Variants in MSRA observed in about 807,000 individuals in gnomAD.
The protein encoded by MSRA is mitochondrial peptide methionine sulfoxide reductase.
MSRA carries 54 observed loss-of-function variants against 31.3 expected under a neutral mutation model. The observed-to-expected ratio is 1.73, with a 90% CI of 1.39 to 2.17. The LOEUF (loss-of-function observed/expected upper bound fraction) is 2.17, where lower values mean the gene tolerates loss of function less well. MSRA is among the 30% of genes most tolerant of loss of function. The pLI is 0.00. For missense variants in MSRA, 507 were observed against 300.9 expected (o/e 1.69, Z -5.07); for synonymous variants, 169 against 116.5 (o/e 1.45, Z -2.90).
intron 3 of MSRA, among the ~76,000 whole-genome samples, chr8:10,268,378 C>G (rs939073666): frequency 6.9e-6 from 1 of 144,270 alleles, no homozygotes; most frequent in Non-Finnish European, 1.6e-5. Flanking sequence ...TATGGGGAGA[C>G]TACACTCTTT....
At chr8:10,365,136 A>C (rs1184877322) in intron 5 of MSRA, among the ~76,000 whole-genome samples, 12 of 145,992 alleles carry the variant, frequency 8.2e-5, no homozygotes, top group African/African-American at 2.9e-4. Context: ...TTTTCTGTGA[A>C]GCAACCAAAA....
At chr8:10,111,604 A>G (rs1174156701) in intron 1 of MSRA, among the ~76,000 whole-genome samples, 2 of 152,216 alleles carry the variant, frequency 1.3e-5, no homozygotes, top group Non-Finnish European at 2.9e-5. Context: ...AGTGGTTTAA[A>G]GGCAAAATAT....
intron 3 of MSRA, among the ~76,000 whole-genome samples, chr8:10,275,411 A>G (rs1799271118): frequency 6.6e-6 from 1 of 152,200 alleles, no homozygotes; most frequent in Admixed American, 6.5e-5. Context: ...TGATTTTACT[A>G]TTTTGTAGAT....
At chr8:10,246,245 T>A (rs1395359222) in intron 3 of MSRA, among the ~76,000 whole-genome samples, 1 of 152,184 alleles carries the variant, frequency 6.6e-6, no homozygotes, top group African/African-American at 2.4e-5. Context: ...TACCGTTGGG[T>A]GCTTTACAGG....
At chr8:10,388,271 G>C (rs142097538) in intron 5 of MSRA, among the ~76,000 whole-genome samples, 1 of 152,186 alleles carries the variant, frequency 6.6e-6, no homozygotes, top group Non-Finnish European at 1.5e-5. Flanking sequence ...TGTAAGGTTC[G>C]TGTTGCAGAC....
At chr8:10,138,374 G>A (rs1802448943) in intron 1 of MSRA, among the ~76,000 whole-genome samples, 1 of 152,162 alleles carries the variant, frequency 6.6e-6, no homozygotes, top group African/African-American at 2.4e-5. Flanking sequence ...GGGAGAAGGA[G>A]AAGAAAGGGA....
At chr8:10,256,530 G>T (rs1394977849) in intron 3 of MSRA, among the ~76,000 whole-genome samples, 1 of 152,184 alleles carries the variant, frequency 6.6e-6, no homozygotes, top group Non-Finnish European at 1.5e-5. Context: ...TACCAGAGAG[G>T]ATTTCTGCTA....
chr8:10,386,418 G>GT (rs1259087827), intron 5 of MSRA, among the ~76,000 whole-genome samples: 1 of 152,176 alleles, frequency 6.6e-6, no homozygotes, highest in African/African-American at 2.4e-5. Context: ...GGAAGGGAAG[G>GT]TTTTTATATG....
intron 4 of MSRA, among the ~76,000 whole-genome samples, chr8:10,311,163 A>G (rs1292169917): frequency 6.6e-6 from 1 of 152,222 alleles, no homozygotes; most frequent in Non-Finnish European, 1.5e-5. Context: ...GGTTCCAGGA[A>G]TGGCAGGCTG....
At chr8:10,278,333 T>C (rs548680304) in intron 3 of MSRA, among the ~76,000 whole-genome samples, 28 of 152,342 alleles carry the variant, frequency 1.8e-4, no homozygotes, top group Admixed American at 7.2e-4. Flanking sequence ...ACTGTGGAAT[T>C]GGACCACCTG....
chr8:10,226,625 A>G (rs1385975626), intron 2 of MSRA, among the ~76,000 whole-genome samples: 1 of 152,254 alleles, frequency 6.6e-6, no homozygotes. Flanking sequence ...GAACAGACAC[A>G]TTTAGGAAAT....
chr8:10,054,486 C>T lies in MSRA; in HGVS notation c.-31C>T. On this transcript the variant is annotated 5_prime_UTR_variant, in exon 1 of 6. Coordinates refer to ENST00000317173, the MANE Select transcript of MSRA (RefSeq NM_012331.5). ...GGCTCCGCTGCCGGTAGCGCCGTCC[C>T]CCGGGACCACCCTTCGGCTGGCGCC... is the stretch of plus-strand genomic sequence containing the variant. The T allele has an allele frequency of 6.4e-7, 1 of 1,553,930 alleles. No individual in the cohort carries two copies. Among genetic ancestry groups the T allele is most frequent in the Non-Finnish European group, 8.7e-7 (1 of 1,151,186 alleles).
chr8:10,142,425 A>T (rs1042286455), intron 1 of MSRA, among the ~76,000 whole-genome samples: 7 of 152,216 alleles, frequency 4.6e-5, no homozygotes, highest in African/African-American at 1.7e-4. Flanking sequence ...TTCTGCTTCT[A>T]AATCCGTGTT....
rs186696179 is a variant in MSRA, at chr8:10,128,418, T to A, written c.142+73760T>A. Reference sequence around the variant, plus strand: ...AATTCTGTCTAAATTCCAGTGATGATCAGATGTGAACATAAACACGTTCAG... The same window carrying A: ...AATTCTGTCTAAATTCCAGTGATGAACAGATGTGAACATAAACACGTTCAG... On this transcript the variant is annotated intron_variant, in intron 1 of 5. Transcript: ENST00000317173. 2.2e-3 allele frequency among the ~76,000 whole-genome samples: 332 copies of A among 152,184 alleles called. 2 individuals are homozygous for A. The highest frequency in any genetic ancestry group is 0.01 in the Middle Eastern group (3 of 292).
chr8:10,248,336 T>C (rs772031408), intron 3 of MSRA, among the ~76,000 whole-genome samples: 1 of 152,236 alleles, frequency 6.6e-6, no homozygotes, highest in South Asian at 2.1e-4. Flanking sequence ...TAAGGTACCA[T>C]GTGGTTTCTT....
At chr8:10,091,337 A>G (rs947299020) in intron 1 of MSRA, among the ~76,000 whole-genome samples, 4 of 152,256 alleles carry the variant, frequency 2.6e-5, no homozygotes, top group Non-Finnish European at 5.9e-5. Flanking sequence ...ATTATAGAAT[A>G]GCTAAATCAA....
intron 4 of MSRA, among the ~76,000 whole-genome samples, chr8:10,305,877 A>G (rs758708817): frequency 1.3e-5 from 2 of 152,234 alleles, no homozygotes; most frequent in Non-Finnish European, 2.9e-5. Flanking sequence ...GAGGAATGAC[A>G]GACATGCTAG....
intron 1 of MSRA, among the ~76,000 whole-genome samples, chr8:10,064,111 G>A (rs1031331756): frequency 6.6e-5 from 10 of 152,136 alleles, no homozygotes; most frequent in Non-Finnish European, 1.2e-4. Context: ...TTCCCCCGCT[G>A]TGTTTTCGGA....
intron 1 of MSRA, among the ~76,000 whole-genome samples, chr8:10,182,165 A>G (rs1027524402): frequency 6.6e-6 from 1 of 152,070 alleles, no homozygotes; most frequent in African/African-American, 2.4e-5. Flanking sequence ...TTATCCTCTA[A>G]GCTGCAGCAG....
Sources: allele counts gnomAD v4.1 joint callset (sites outside exome capture counted in the v4.1 genomes callset), GRCh38; gene constraint gnomAD v4.1.1; transcripts MANE v1.5; gene names NCBI Gene and HGNC (gene_info 2026-07-23, HGNC 2026-07-21).